EFHD1: variants seen among roughly 807,000 people sequenced by gnomAD.
EFHD1 encodes the protein EF-hand domain-containing protein D1.
A neutral mutation model predicts 17.2 loss-of-function variants in EFHD1; 10 were observed. The ratio of observed to expected loss-of-function variants is 0.58; its 90% confidence interval spans 0.36 to 0.99. EFHD1 has a LOEUF of 0.99. EFHD1 is among the 50% of genes least tolerant of loss of function. The pLI is 0.01. For missense variants in EFHD1, 310 were observed against 327.5 expected (o/e 0.95, Z 0.41); for synonymous variants, 153 against 142.0 (o/e 1.08, Z -0.55).
chr2:232,638,204 ATTTT>A, intron 1 of EFHD1: 3 of 373,804 alleles, frequency 8.0e-6, no homozygotes, highest in South Asian at 2.2e-5. Flanking sequence ...TAGACAGGAA[ATTTT>A]AATTACCCTG....
chr2:232,613,661 T>TGC (rs1553594063), intron 1 of EFHD1, among the ~76,000 whole-genome samples: 15 of 128,726 alleles, frequency 1.2e-4, no homozygotes, highest in Non-Finnish European at 1.8e-4. Flanking sequence ...CACACACAAA[T>TGC]ACACACACAC....
At chr2:232,625,124 T>C (rs1486830998) in intron 1 of EFHD1, among the ~76,000 whole-genome samples, 1 of 152,070 alleles carries the variant, frequency 6.6e-6, no homozygotes, top group Non-Finnish European at 1.5e-5. Flanking sequence ...GGTACTGGGT[T>C]CATATTTGTT....
At chr2:232,644,401 C>T (rs1006771708) in intron 1 of EFHD1, among the ~76,000 whole-genome samples, 6 of 152,088 alleles carry the variant, frequency 3.9e-5, no homozygotes, top group African/African-American at 1.4e-4. Flanking sequence ...TTTAGTGGCT[C>T]CTGGGCTTCT....
In EFHD1 at chr2:232,618,204, G is replaced by A. The variant is rs146559759; in HGVS notation, c.14+12031G>A. The stretch of plus-strand genomic sequence containing the variant: ...CCGGATAATTTTTGTACTTTTAGTG[G>A]AGATGGGCTTTCACCATTTTGGCCA... On this transcript the variant is annotated intron_variant, in intron 1 of 3. Transcript: ENST00000409613. 4.3e-3 allele frequency among the ~76,000 whole-genome samples: 647 copies of A among 151,630 alleles called. 4 individuals are homozygous for A. Among genetic ancestry groups the A allele is most frequent in the African/African-American group, 0.015 (615 of 41,394 alleles).
At chr2:232,671,037 T>C (rs560571091) in intron 2 of EFHD1, among the ~76,000 whole-genome samples, 1 of 152,324 alleles carries the variant, frequency 6.6e-6, no homozygotes, top group South Asian at 2.1e-4. Flanking sequence ...CTTTCATAGA[T>C]AATGTTTAAA....
intron 1 of EFHD1, chr2:232,661,827 C>G (rs1183081187): frequency 6.6e-6 from 1 of 152,254 alleles, no homozygotes; most frequent in Non-Finnish European, 1.5e-5. Flanking sequence ...TCCTGAAGTG[C>G]TGGAATTACA....
rs1314171048 is a variant in EFHD1, at chr2:232,677,569, A to G, written c.586-4016A>G. Among the ~76,000 whole-genome samples, 5 of 152,184 alleles carry G rather than the reference A, an allele frequency of 3.3e-5. No individual in the cohort carries two copies. The East Asian group carries it at 5.8e-4, about 18-fold the overall frequency. On this transcript the variant is annotated intron_variant, in intron 3 of 3. Coordinates refer to ENST00000264059, the MANE Select transcript of EFHD1 (RefSeq NM_025202.4). ...ACCCTCTCATTACAAAAACAAACAAAAATATTAGCTGGGTATGGCGGTGCA... is the reference window on the plus strand; with the variant it reads ...ACCCTCTCATTACAAAAACAAACAAGAATATTAGCTGGGTATGGCGGTGCA...
At chr2:232,674,819 G>A (rs1185111475) in intron 3 of EFHD1, among the ~76,000 whole-genome samples, 2 of 152,108 alleles carry the variant, frequency 1.3e-5, no homozygotes, top group Non-Finnish European at 2.9e-5. Context: ...AAGGGAGGGC[G>A]TTGTGATCGT....
chr2:232,613,645 T>TACACACACACACAAATAC (rs1553594033), intron 1 of EFHD1, among the ~76,000 whole-genome samples: 539 of 132,560 alleles, frequency 4.1e-3, no homozygotes, highest in Middle Eastern at 0.024. Flanking sequence ...TACACACACA[T>TACACACACACACAAATAC]ACACACACAC....
At chr2:232,637,608 C>T (rs927492868) in intron 1 of EFHD1, among the ~76,000 whole-genome samples, 6 of 151,980 alleles carry the variant, frequency 3.9e-5, no homozygotes, top group African/African-American at 9.7e-5. Flanking sequence ...CCTCCCAAAA[C>T]GCTGGGATTA....
intron 1 of EFHD1, among the ~76,000 whole-genome samples, chr2:232,628,093 C>CTCCA (rs1339350932): frequency 2.6e-5 from 4 of 152,168 alleles, no homozygotes; most frequent in African/African-American, 9.7e-5. Flanking sequence ...TGGAGTCTCA[C>CTCCA]TCTGTCGCCC....
chr2:232,631,701 A>C (rs537750245), upstream of EFHD1, among the ~76,000 whole-genome samples: 20 of 140,584 alleles, frequency 1.4e-4, no homozygotes, highest in African/African-American at 2.1e-4. Context: ...TAAAAAAAAA[A>C]AAAAACAAAA....
chr2:232,668,860 C>T (rs1193586175), intron 2 of EFHD1, among the ~76,000 whole-genome samples: 4 of 152,124 alleles, frequency 2.6e-5, no homozygotes, highest in South Asian at 2.1e-4. Flanking sequence ...TCTCGAACTC[C>T]GGACCTCAGG....
At chr2:232,617,336 T>C (rs1693942680) in intron 1 of EFHD1, among the ~76,000 whole-genome samples, 1 of 152,146 alleles carries the variant, frequency 6.6e-6, no homozygotes, top group African/African-American at 2.4e-5. Flanking sequence ...TGTATGCTGG[T>C]AAACCCTTAA....
At chr2:232,648,397 G>A (rs1694572718) in intron 1 of EFHD1, among the ~76,000 whole-genome samples, 1 of 152,180 alleles carries the variant, frequency 6.6e-6, no homozygotes, top group African/African-American at 2.4e-5. Context: ...GGGAGTGACT[G>A]TTTCCCAGCC....
intron 1 of EFHD1, among the ~76,000 whole-genome samples, chr2:232,614,447 C>G (rs1347293963): frequency 6.6e-6 from 1 of 152,166 alleles, no homozygotes; most frequent in Non-Finnish European, 1.5e-5. Context: ...TGATCCACTT[C>G]CACTTAATGA....
chr2:232,658,930 C>T (rs1199467536), intron 1 of EFHD1, among the ~76,000 whole-genome samples: 1 of 152,054 alleles, frequency 6.6e-6, no homozygotes, highest in East Asian at 1.9e-4. Flanking sequence ...TTAAAAAAAA[C>T]TTAGAAAACA....
At chr2:232,610,790 T>C (rs1022068307) in intron 1 of EFHD1, 2 of 151,170 alleles carry the variant, frequency 1.3e-5, no homozygotes, top group Non-Finnish European at 2.9e-5. Flanking sequence ...GGTGGGAGGA[T>C]CATCTGAGCC....
intron 2 of EFHD1, among the ~76,000 whole-genome samples, chr2:232,669,602 C>CT (rs35352156): frequency 0.32 from 42,632 of 131,722 alleles, 7,451 homozygotes; most frequent in East Asian, 0.5. Context: ...TTTGAGAAGG[C>CT]TTTTTTTTTT....
Sources: gnomAD v4.1 joint callset for allele counts (sites outside exome capture counted in the v4.1 genomes callset) on GRCh38, gnomAD v4.1.1 for gene constraint, MANE v1.5 for transcripts, NCBI Gene and HGNC (gene_info 2026-07-23, HGNC 2026-07-21) for gene names.